Variants in MINAR2 observed in about 807,000 individuals in gnomAD.
MINAR2 encodes the protein major intrinsically disordered NOTCH2-binding receptor 1-like.
In MINAR2, 21 loss-of-function variants were observed where a neutral mutation model predicts 16.1. The ratio of observed to expected loss-of-function variants is 1.31; its 90% CI spans 0.93 to 1.88. MINAR2 has a LOEUF of 1.88. MINAR2 is among the 40% of genes most tolerant of loss of function. The pLI, the probability that MINAR2 is intolerant of heterozygous loss-of-function variation, is 0.00. For missense variants in MINAR2, 259 were observed against 229.8 expected (o/e 1.13, Z -0.82); for synonymous variants, 86 against 83.0 (o/e 1.04, Z -0.20).
At chr5:129,752,173 A>T (rs1293949140) in intron 1 of MINAR2, among the ~76,000 whole-genome samples, 1 of 152,232 alleles carries the variant, frequency 6.6e-6, no homozygotes, top group African/African-American at 2.4e-5. Flanking sequence ...GCCATTTCTC[A>T]AGGATCTGGA....
At chr5:129,753,186 G>GA (rs1252806854) in intron 1 of MINAR2, among the ~76,000 whole-genome samples, 2 of 151,560 alleles carry the variant, frequency 1.3e-5, no homozygotes, top group African/African-American at 2.4e-5. Context: ...TTATTGTTTT[G>GA]AAAAAAACAG....
chr5:129,752,801 T>G (rs1758002133), intron 1 of MINAR2, among the ~76,000 whole-genome samples: 2 of 151,870 alleles, frequency 1.3e-5, no homozygotes, highest in African/African-American at 4.8e-5. Context: ...CCATTTATTG[T>G]GGTGGGCCTT....
In MINAR2 at chr5:129,763,653, C is replaced by G. The variant is rs75251551; in HGVS notation, c.394-1231C>G. Among the ~76,000 whole-genome samples the G allele has an allele frequency of 4.0e-3, 613 of 152,288 alleles. 6 individuals are homozygous for G. The highest frequency in any genetic ancestry group is 0.013 in the African/African-American group (561 of 41,556). ...AGATGAGGATTTTTACATCATTACCCTTCTTCACAGATCATCCATATTTTA... is the reference window on the plus strand; with the variant it reads ...AGATGAGGATTTTTACATCATTACCGTTCTTCACAGATCATCCATATTTTA... On this transcript the variant is annotated intron_variant, in intron 2 of 2. Coordinates refer to ENST00000564719, the MANE Select transcript of MINAR2 (RefSeq NM_001257308.2).
chr5:129,762,646 G>A (rs1049827165), intron 2 of MINAR2: 4 of 287,552 alleles, frequency 1.4e-5, no homozygotes, highest in East Asian at 2.0e-4. Flanking sequence ...TATTACTTCC[G>A]TGCTTCTTTA....
intron 1 of MINAR2, among the ~76,000 whole-genome samples, chr5:129,749,529 C>T (rs1311501605): frequency 1.3e-5 from 2 of 152,186 alleles, no homozygotes; most frequent in Admixed American, 6.6e-5. Flanking sequence ...TCTGCCATTT[C>T]ATACCCAGCC....
chr5:129,759,200 G>T (rs2149546267), intron 1 of MINAR2, among the ~76,000 whole-genome samples: 1 of 152,084 alleles, frequency 6.6e-6, no homozygotes, highest in South Asian at 2.1e-4. Flanking sequence ...ATATGACTCA[G>T]AAGAATAAAA....
chr5:129,764,976 T>G lies in MINAR2; in HGVS notation c.486T>G (p.His162Gln). The G allele has an allele frequency of 7.1e-7, 1 of 1,406,986 alleles. No individual in the cohort carries two copies. Among genetic ancestry groups the G allele is most frequent in the Non-Finnish European group, 9.3e-7 (1 of 1,078,274 alleles). The allele number at this position is 1,406,986 out of a possible 1,614,324, so 87.2% of individuals were successfully genotyped here. A position where few individuals can be genotyped will look rare whatever the true frequency, so the allele number is the denominator to read the frequency against. The change falls in exon 3 of 3, where the codon CAT (histidine) becomes CAG (glutamine). Residue 162 changes from histidine (H) to glutamine (Q), a missense_variant. Transcript: ENST00000564719. ...AAAAGGAAGAGAAACAAGAGAAGCA[T>G]TCAAAATTCTGTCGTATGGGTCTGA... ...LLKKEEKQEK[H>Q]SKFCRMGLIL...
At chr5:129,754,948 T>C (rs1758036697) in intron 1 of MINAR2, among the ~76,000 whole-genome samples, 1 of 152,184 alleles carries the variant, frequency 6.6e-6, no homozygotes, top group African/African-American at 2.4e-5. Flanking sequence ...TAAGTGTTTC[T>C]AATATTAAAC....
chr5:129,751,396 A>G (rs1412846200), intron 1 of MINAR2, among the ~76,000 whole-genome samples: 1 of 151,994 alleles, frequency 6.6e-6, no homozygotes, highest in South Asian at 2.1e-4. Context: ...TTTAGTAGAG[A>G]TGGGGTTTCA....
intron 1 of MINAR2, among the ~76,000 whole-genome samples, chr5:129,755,740 T>G (rs904071865): frequency 6.6e-6 from 1 of 152,102 alleles, no homozygotes; most frequent in Non-Finnish European, 1.5e-5. Context: ...ATTTCAAATG[T>G]GTTTTTCCAA....
chr5:129,760,382 A>T lies in MINAR2; in HGVS notation c.170A>T (p.Glu57Val). 2 of 1,535,008 alleles carry T rather than the reference A, an allele frequency of 1.3e-6. No individual in the cohort carries two copies. ...HWQNLVYSQREKKNIAAQRIR... is the reference protein window; with the variant it reads ...HWQNLVYSQRVKKNIAAQRIR... ...CCTTGTTTCTTTGCCTCTTAGAGGG[A>T]AAAGAAGAATATTGCTGCTCAACGA... Residue 57 changes from glutamate (E) to valine (V), a missense_variant, in exon 2 of 3, where the codon GAA becomes GTA. Glu to Val is a moderately radical substitution (Grantham distance 121). Coordinates refer to ENST00000564719, the MANE Select transcript of MINAR2 (RefSeq NM_001257308.2).
rs966134797 is a variant in MINAR2 at position 129,765,389 on chromosome 5, T to A, written c.*326T>A. ...AGGGAGCAAACAGTATCAAAAATTG[T>A]CAGCAGCTTTGTTTTCATGCTTAAA... On this transcript the variant is annotated 3_prime_UTR_variant, in exon 3 of 3. Transcript: ENST00000564719. 1.4e-5 allele frequency: 3 copies of A among 208,934 alleles called. No homozygotes were observed. The highest frequency in any genetic ancestry group is 1.9e-5 in the Non-Finnish European group (2 of 106,252). The allele number at this position is 208,934 out of a possible 1,614,324, so 12.9% of individuals were successfully genotyped here. A position where few individuals can be genotyped will look rare whatever the true frequency, so the allele number is the denominator to read the frequency against.
At position 129,765,722 on chromosome 5, in the gene MINAR2, A is replaced by G. The variant is rs1438650392; in HGVS notation, c.*659A>G. 1 of 152,210 alleles carries G rather than the reference A, an allele frequency of 6.6e-6. No individual in the cohort carries two copies. The highest frequency in any genetic ancestry group is 1.5e-5 in the Non-Finnish European group (1 of 68,046). The allele number at this position is 152,210 out of a possible 1,614,324, so 9.4% of individuals were successfully genotyped here. A position where few individuals can be genotyped will look rare whatever the true frequency, so the allele number is the denominator to read the frequency against. ...TAATAGAATTAAACTTGGATAGGCCATAGTTACATAATTAATTACATTTAG... is the reference window on the plus strand; with the variant it reads ...TAATAGAATTAAACTTGGATAGGCCGTAGTTACATAATTAATTACATTTAG... On this transcript the variant is annotated 3_prime_UTR_variant, in exon 3 of 3. Coordinates refer to ENST00000564719, the MANE Select transcript of MINAR2 (RefSeq NM_001257308.2).
At chr5:129,748,634 T>A (rs1757947744) in intron 1 of MINAR2, among the ~76,000 whole-genome samples, 2 of 152,150 alleles carry the variant, frequency 1.3e-5, no homozygotes. Context: ...ACTCCTTCCC[T>A]TCAAAAATTT....
chr5:129,760,911 C>T (rs1020697366), intron 2 of MINAR2, among the ~76,000 whole-genome samples: 4 of 152,186 alleles, frequency 2.6e-5, no homozygotes, highest in African/African-American at 9.7e-5. Flanking sequence ...TGCAAGATCA[C>T]ATTTTCTGTC....
intron 1 of MINAR2, among the ~76,000 whole-genome samples, chr5:129,753,213 C>T (rs1047336571): frequency 6.6e-6 from 1 of 152,090 alleles, no homozygotes; most frequent in African/African-American, 2.4e-5. Context: ...GGCCGGGTGC[C>T]ATGGCTCATG....
At position 129,764,991 on chromosome 5, in the gene MINAR2, T is replaced by C. The variant is rs1205835191; in HGVS notation, c.501T>C (p.Arg167=). 2 of 1,395,052 alleles carry C rather than the reference T, an allele frequency of 1.4e-6. No individual in the cohort carries two copies. The highest frequency in any genetic ancestry group is 1.9e-6 in the Non-Finnish European group (2 of 1,072,732). 86.4% of individuals were successfully genotyped at this position (1,395,052 alleles called of 1,614,324 possible). Residue 167 remains arginine (R), a synonymous_variant, in exon 3 of 3, where the codon CGT becomes CGC. Coordinates refer to ENST00000564719, the MANE Select transcript of MINAR2 (RefSeq NM_001257308.2). Reference sequence around the variant, plus strand: ...AAGAGAAGCATTCAAAATTCTGTCGTATGGGTCTGATTTTACTTGTCGTTA... The same window carrying C: ...AAGAGAAGCATTCAAAATTCTGTCGCATGGGTCTGATTTTACTTGTCGTTA... ...EKQEKHSKFC[R]MGLILLVVIS...
chr5:129,753,263 C>T (rs1272995307), intron 1 of MINAR2, among the ~76,000 whole-genome samples: 1 of 151,854 alleles, frequency 6.6e-6, no homozygotes, highest in East Asian at 1.9e-4. Context: ...GCGGGCAGAT[C>T]ACTTGAGGCC....
rs1758122108 is a variant in MINAR2 at position 129,760,606 on chromosome 5, G to C, written c.393+1G>C. On this transcript the variant is annotated splice_donor_variant, in intron 2 of 2. Coordinates refer to ENST00000564719, the MANE Select transcript of MINAR2 (RefSeq NM_001257308.2). LOFTEE classifies it high-confidence loss of function. ...CACAAACCTCTCTGGACATCTGAAG[G>C]TACTCACGACTAAGAGTCAACCTCT... 1.3e-6 allele frequency: 2 copies of C among 1,532,420 alleles called. No individual in the cohort carries two copies. The highest frequency in any genetic ancestry group is 1.4e-5 in the African/African-American group (1 of 72,982). 94.9% of individuals were successfully genotyped at this position (1,532,420 alleles called of 1,614,324 possible).
Sources: allele counts gnomAD v4.1 joint callset (sites outside exome capture counted in the v4.1 genomes callset), GRCh38; gene constraint gnomAD v4.1.1; transcripts MANE v1.5; gene names NCBI Gene and HGNC (gene_info 2026-07-23, HGNC 2026-07-21).